The following GARIN5A variants were observed in gnomAD, a reference collection of about 807,000 sequenced individuals.
The protein encoded by GARIN5A is golgi associated RAB2 interactor 5A.
chr19:50,476,541 C>G, the GARIN5A span: 1,763 of 1,571,912 alleles, frequency 1.1e-3, 18 homozygotes, highest in African/African-American at 0.022. Context: ...GGGAAGAAGC[C>G]GAGATGGCGG....
At chr19:50,471,695 C>T in the GARIN5A span, among the ~76,000 whole-genome samples, 3 of 146,152 alleles carry the variant, frequency 2.1e-5, no homozygotes, top group South Asian at 2.1e-4. Context: ...TGTGTGTATA[C>T]GCATACATGC....
At chr19:50,472,235 T>C in the GARIN5A span, among the ~76,000 whole-genome samples, 6 of 72,218 alleles carry the variant, frequency 8.3e-5, no homozygotes, top group Admixed American at 1.6e-4. Flanking sequence ...TATACATGTA[T>C]GTGTGTATTA....
the GARIN5A span, among the ~76,000 whole-genome samples, chr19:50,472,026 ATATG>A: frequency 6.9e-6 from 1 of 144,494 alleles, no homozygotes; most frequent in African/African-American, 2.9e-5. Flanking sequence ...GTGTATATGT[ATATG>A]TACGTGTGTG....
the GARIN5A span, among the ~76,000 whole-genome samples, chr19:50,471,886 G>C: frequency 6.6e-6 from 1 of 151,274 alleles, no homozygotes; most frequent in Non-Finnish European, 1.5e-5. Context: ...ATACATGTGT[G>C]TATATGTATG....
the GARIN5A span, chr19:50,476,516 C>T: frequency 2.5e-6 from 4 of 1,569,022 alleles, no homozygotes; most frequent in East Asian, 2.4e-5. Context: ...GGCTCACAGC[C>T]GTCCCTTCGC....
the GARIN5A span, among the ~76,000 whole-genome samples, chr19:50,471,659 CGTGT>C: frequency 6.4e-3 from 658 of 102,090 alleles, 4 homozygotes; most frequent in African/African-American, 0.02. Flanking sequence ...CATACATGCA[CGTGT>C]GTGTATACGC....
the GARIN5A span, among the ~76,000 whole-genome samples, chr19:50,474,790 A>G: frequency 3.5e-4 from 54 of 152,258 alleles, no homozygotes; most frequent in Admixed American, 3.0e-3. Context: ...CCCGATCTGC[A>G]TTACTTTTTC....
At chr19:50,469,137 C>T in the GARIN5A span, among the ~76,000 whole-genome samples, 1 of 152,136 alleles carries the variant, frequency 6.6e-6, no homozygotes, top group Non-Finnish European at 1.5e-5. Context: ...CTGCAGAGCC[C>T]CTTGCTCCCT....
the GARIN5A span, chr19:50,475,387 C>G: frequency 1.9e-6 from 3 of 1,611,220 alleles, no homozygotes; most frequent in Non-Finnish European, 2.5e-6. Flanking sequence ...GGTCCGGGAG[C>G]TCCAGGGCTG....
chr19:50,472,096 A>ATATACGTG, the GARIN5A span, among the ~76,000 whole-genome samples: 388 of 140,584 alleles, frequency 2.8e-3, 4 homozygotes, highest in East Asian at 0.026. Flanking sequence ...GTATATGTAT[A>ATATACGTG]TGTATATATA....
At chr19:50,469,581 T>G in the GARIN5A span, among the ~76,000 whole-genome samples, 1 of 152,166 alleles carries the variant, frequency 6.6e-6, no homozygotes, top group East Asian at 1.9e-4. Flanking sequence ...GGATGCTTTT[T>G]GAGTATCTTG....
the GARIN5A span, chr19:50,467,906 C>G: frequency 8.0e-7 from 1 of 1,250,458 alleles, no homozygotes; most frequent in Non-Finnish European, 1.1e-6. Flanking sequence ...GGGGTCCCCA[C>G]CTTGCCACCC....
chr19:50,475,565 G>GA, the GARIN5A span: 1 of 1,066,194 alleles, frequency 9.4e-7, no homozygotes. Context: ...CAGGTGAGTT[G>GA]AAAATCAGGC....
At chr19:50,476,771 T>G in the GARIN5A span, 4 of 681,978 alleles carry the variant, frequency 5.9e-6, no homozygotes, top group Admixed American at 7.2e-5. Context: ...AGGGAAGAGG[T>G]GGGAGATCCC....
At chr19:50,475,912 C>A in the GARIN5A span, 1 of 1,613,906 alleles carries the variant, frequency 6.2e-7, no homozygotes. Context: ...TTGGAGCCGT[C>A]TGGGACGGCC....
the GARIN5A span, chr19:50,475,428 C>T: frequency 5.0e-6 from 8 of 1,609,116 alleles, no homozygotes; most frequent in South Asian, 3.3e-5. Flanking sequence ...ATGGTGACCT[C>T]GTTGGCAACT....
At chr19:50,476,375 A>G in the GARIN5A span, 2 of 1,565,710 alleles carry the variant, frequency 1.3e-6, no homozygotes, top group Non-Finnish European at 1.7e-6. Flanking sequence ...ATCAGGCCAA[A>G]GGGGCGGCCC....
chr19:50,472,908 C>G, the GARIN5A span, among the ~76,000 whole-genome samples: 1 of 151,976 alleles, frequency 6.6e-6, no homozygotes. Flanking sequence ...AAAGGCCAGG[C>G]ACAGTGGCTC....
chr19:50,470,186 A>G, the GARIN5A span, among the ~76,000 whole-genome samples: 129 of 152,332 alleles, frequency 8.5e-4, 2 homozygotes, highest in African/African-American at 3.0e-3. Flanking sequence ...CTTGGTGTCT[A>G]AGACAGCAGA....
Sources: gnomAD v4.1 joint callset for allele counts (sites outside exome capture counted in the v4.1 genomes callset) on GRCh38, gnomAD v4.1.1 for gene constraint, MANE v1.5 for transcripts, NCBI Gene and HGNC (gene_info 2026-07-23, HGNC 2026-07-21) for gene names.